The following LAMB3 variants were observed in gnomAD, a reference collection of about 807,000 sequenced individuals.
LAMB3 encodes the protein laminin subunit beta 3, also known as laminin subunit beta-3.
In LAMB3, 104 loss-of-function variants were observed where a neutral mutation model predicts 140.3. That is an observed-to-expected ratio of 0.74 (90% CI 0.63 to 0.87). LAMB3 has a LOEUF of 0.87. Among genes scored for constraint, LAMB3 ranks in the 40% least tolerant of loss-of-function variants. The probability of loss-of-function intolerance (pLI) is 0.00; values close to 1 mark genes in which losing one functional copy is unlikely to be tolerated. For missense variants in LAMB3, 1,531 were observed against 1,575.2 expected, an observed-to-expected ratio of 0.97 and a Z score of 0.47; for synonymous variants, 592 against 602.9, an observed-to-expected ratio of 0.98 and a Z score of 0.26.
At chr1:209,640,964 T>TC (rs1427773053) in intron 3 of LAMB3, among the ~76,000 whole-genome samples, 1 of 151,666 alleles carries the variant, frequency 6.6e-6, no homozygotes, top group East Asian at 1.9e-4. Context: ...GCCCCTGTAG[T>TC]CCCAGCTACT....
intron 10 of LAMB3, 95 bp downstream of exon 10, chr1:209,629,642 C>T (rs1043839643): frequency 9.9e-6 from 12 of 1,213,580 alleles, no homozygotes; most frequent in Non-Finnish European, 1.3e-5. Flanking sequence ...TCCCTGAGGG[C>T]CTTGGTGTGC....
chr1:209,637,985 G>A lies in LAMB3; in HGVS notation c.299-4C>T. The A allele has an allele frequency of 6.2e-7, 1 of 1,611,528 alleles. No homozygotes were observed. The highest frequency in any genetic ancestry group is 8.5e-7 in the Non-Finnish European group (1 of 1,178,684). On this transcript the variant is annotated splice_polypyrimidine_tract_variant and splice_region_variant and intron_variant, in intron 4 of 22. Transcript: ENST00000356082. ...TGCAGAGAGACAGGGTTCACATCTG[G>A]AAGGACAAAAAATAGAAACTGTCAT...
At position 209,629,885 on chromosome 1, in the gene LAMB3, G is replaced by T. The variant is rs764412477; in HGVS notation, c.984C>A (p.Asp328Glu). 2 of 1,614,188 alleles carry T rather than the reference G, an allele frequency of 1.2e-6. No individual in the cohort carries two copies. Among genetic ancestry groups the T allele is most frequent in the Non-Finnish European group, 1.7e-6 (2 of 1,180,024 alleles). Residue 328 changes from aspartate (D) to glutamate (E), a missense_variant, in exon 10 of 23, where the codon GAC becomes GAA. By Grantham distance (45) the Asp-to-Glu change is conservative. Transcript: ENST00000356082. ...CCTGGCTGGCGGCAAACACAGCGGG[G>T]TCAAAGTGACATGTCTCTGAGTGCC... ...CNGHSETCHFDPAVFAASQGA... is the reference protein window; with the variant it reads ...CNGHSETCHFEPAVFAASQGA...
intron 12 of LAMB3, among the ~76,000 whole-genome samples, 177 bp downstream of exon 12, chr1:209,627,206 G>A (rs544236652): frequency 6.6e-6 from 1 of 152,290 alleles, no homozygotes; most frequent in East Asian, 1.9e-4. Context: ...ATTACTGACG[G>A]CCAAGAGCCA....
Position 209,618,496 on chromosome 1 carries a change from G to A in LAMB3, c.2865C>T (p.Asp955=), listed in dbSNP as rs1196552489. The change falls in exon 19 of 23, where the codon GAC becomes GAT. Residue 955 remains aspartate, a synonymous_variant. Coordinates refer to ENST00000356082, the MANE Select transcript of LAMB3 (RefSeq NM_000228.3). The part of the protein sequence containing the change: ...VDLVLSQTKQ[D]IARARRLQAE... Reference sequence around the variant, plus strand: ...CCTGCAACCGGCGGGCACGCGCAATGTCCTGCTTGGTCTGGGACAGCACCA... The same window carrying A: ...CCTGCAACCGGCGGGCACGCGCAATATCCTGCTTGGTCTGGGACAGCACCA... The A allele has an allele frequency of 4.3e-6, 7 of 1,614,120 alleles. No individual in the cohort carries two copies. The highest frequency in any genetic ancestry group is 5.9e-6 in the Non-Finnish European group (7 of 1,180,048).
intron 8 of LAMB3, among the ~76,000 whole-genome samples, chr1:209,631,984 TG>T (rs1666708219): frequency 6.6e-6 from 1 of 152,318 alleles, no homozygotes; most frequent in East Asian, 1.9e-4. Context: ...CTTCTCTACC[TG>T]TGGTTCTCAA....
In LAMB3 at chr1:209,639,624, TACACACAC is replaced by T. The variant is rs55827014; in HGVS notation, c.184-984_184-977del. The stretch of plus-strand genomic sequence containing the variant: ...GTGCCTATGTGCATACATATACACA[TACACACAC>T]ACACACACACGCACACGCGTGCACA... On this transcript the variant is annotated intron_variant, in intron 3 of 22. Transcript: ENST00000356082. Among the ~76,000 whole-genome samples, 50 of 151,942 alleles carry T rather than the reference TACACACAC, an allele frequency of 3.3e-4. 2 individuals carry two copies. In the East Asian group the frequency reaches 3.7e-3, roughly 11 times the overall value.
chr1:209,623,377 C>T lies in LAMB3; in HGVS notation c.2358+128G>A, dbSNP rs960590423. Reference sequence around the variant, plus strand: ...AGCTCACAGTGAGCAGTACAAGGGTCGGGATGGCTGGGGGAGTGGGGTTCT... The same window carrying T: ...AGCTCACAGTGAGCAGTACAAGGGTTGGGATGGCTGGGGGAGTGGGGTTCT... On this transcript the variant is annotated intron_variant, in intron 16 of 22. Coordinates refer to ENST00000356082, the MANE Select transcript of LAMB3 (RefSeq NM_000228.3). The surrounding 1 kb of genome is among the most constrained non-coding windows in gnomAD (Gnocchi z 4.2). The T allele has an allele frequency of 1.7e-5, 18 of 1,072,206 alleles. No individual in the cohort carries two copies. Among genetic ancestry groups the T allele is most frequent in the African/African-American group, 6.2e-5 (4 of 64,204 alleles). 66.4% of individuals were successfully genotyped at this position (1,072,206 alleles called of 1,614,324 possible).
Position 209,622,441 on chromosome 1 carries a change from A to G in LAMB3, c.2701+95T>C. The G allele has an allele frequency of 9.6e-6, 14 of 1,452,696 alleles. No homozygotes were observed. In the South Asian group the frequency reaches 1.6e-4, roughly 17 times the overall value. 90.0% of individuals were successfully genotyped at this position (1,452,696 alleles called of 1,614,324 possible). A position where few individuals can be genotyped will look rare whatever the true frequency, so the allele number is the denominator to read the frequency against. ...GAGGCCTGGATGTTGCAGGCCTGGGACTAGGGAGGGAGGGCTGGCTGATGC... is the reference window on the plus strand; with the variant it reads ...GAGGCCTGGATGTTGCAGGCCTGGGGCTAGGGAGGGAGGGCTGGCTGATGC... On this transcript the variant is annotated intron_variant, in intron 18 of 22. Coordinates refer to ENST00000356082, the MANE Select transcript of LAMB3 (RefSeq NM_000228.3).
intron 5 of LAMB3, among the ~76,000 whole-genome samples, chr1:209,637,485 C>G (rs906147127): frequency 6.6e-6 from 1 of 151,980 alleles, no homozygotes; most frequent in South Asian, 2.1e-4. Context: ...GAGTAGATTG[C>G]CCACCAAGAG....
rs1208470969 is a variant in LAMB3 at position 209,616,679 on chromosome 1, C to T, written c.3229-55G>A. 3.8e-6 allele frequency: 6 copies of T among 1,578,924 alleles called. No individual in the cohort carries two copies. In the African/African-American group the frequency reaches 5.4e-5, roughly 14 times the overall value. On this transcript the variant is annotated intron_variant, in intron 21 of 22. Coordinates refer to ENST00000356082, the MANE Select transcript of LAMB3 (RefSeq NM_000228.3). ...TTGTCATCATGCAAGGTCCTAAAGA[C>T]CTGTGGCCAAAGCACTTGATATCAC...
At chr1:209,651,185 C>T in intron 1 of LAMB3, 1 of 565,134 alleles carries the variant, frequency 1.8e-6, no homozygotes, top group Non-Finnish European at 3.2e-6. Flanking sequence ...ATGTGACTCA[C>T]AGGGTGCCCT....
intron 5 of LAMB3, 73 bp downstream of exon 5, chr1:209,637,835 G>A (rs1666941546): frequency 1.7e-6 from 2 of 1,175,732 alleles, no homozygotes; most frequent in Non-Finnish European, 2.5e-6. Context: ...AGGACACTGT[G>A]CTCCTCCATG....
chr1:209,625,320 G>A (rs1044163805), intron 14 of LAMB3, among the ~76,000 whole-genome samples: 7 of 152,094 alleles, frequency 4.6e-5, no homozygotes, highest in African/African-American at 1.7e-4. Flanking sequence ...CCTCCGCCAG[G>A]GTGACTAATC....
intron 5 of LAMB3, 90 bp downstream of exon 5, chr1:209,637,818 A>C: frequency 9.6e-7 from 1 of 1,040,380 alleles, no homozygotes; most frequent in Non-Finnish European, 1.5e-6. Flanking sequence ...CCCAACCCAG[A>C]GAGACAAGGA....
rs200672750 is a variant in LAMB3 at position 209,650,092 on chromosome 1, G to A, written c.55C>T (p.Gln19Ter). 2 of 1,613,838 alleles carry A rather than the reference G, an allele frequency of 1.2e-6. No homozygotes were observed. Among genetic ancestry groups the A allele is most frequent in the East Asian group, 2.2e-5 (1 of 44,884 alleles). ...TAGCAGGCCCCACGGGAGCAGGCTT[G>A]TTGGGCATGCAGGAGGCCAGGCAGG... ...FALPGLLHAQ[Q>*]ACSRGACYPP... Residue 19 changes from glutamine (Q) to a stop codon, truncating the protein, a stop_gained, in exon 3 of 23, where the codon CAA (glutamine) becomes TAA (stop). Coordinates refer to ENST00000356082, the MANE Select transcript of LAMB3 (RefSeq NM_000228.3). LOFTEE classifies it high-confidence loss of function.
intron 1 of LAMB3, among the ~76,000 whole-genome samples, chr1:209,651,836 T>C (rs2076568591): frequency 6.6e-6 from 1 of 151,122 alleles, no homozygotes; most frequent in Non-Finnish European, 1.5e-5. Context: ...CCACAAACTC[T>C]TTTGGCTGGG....
chr1:209,629,990 C>A, intron 9 of LAMB3, 65 bp from the exon 10 acceptor site: 2 of 1,469,076 alleles, frequency 1.4e-6, no homozygotes. Context: ...GAGCATGCTC[C>A]ACAAAAGCTC....
At position 209,641,664 on chromosome 1, in the gene LAMB3, GA is replaced by G. The variant is rs2076470174; in HGVS notation, c.184-3017del. Among the ~76,000 whole-genome samples, 3 of 152,236 alleles carry G rather than the reference GA, an allele frequency of 2.0e-5. No homozygotes were observed. The South Asian group carries it at 6.2e-4, about 31-fold the overall frequency. On this transcript the variant is annotated intron_variant, in intron 3 of 22. Transcript: ENST00000356082. ...TTATCACAGGGAAGGCTAAGGCAGAGAGAGCACTTTGGGAAGAAACGGGGCT... is the reference window on the plus strand; with the variant it reads ...TTATCACAGGGAAGGCTAAGGCAGAGGAGCACTTTGGGAAGAAACGGGGCT...
Sources: allele counts gnomAD v4.1 joint callset (sites outside exome capture counted in the v4.1 genomes callset), GRCh38; gene constraint gnomAD v4.1.1; non-coding constraint Gnocchi (gnomAD v3.1); transcripts MANE v1.5; gene names NCBI Gene and HGNC (gene_info 2026-07-23, HGNC 2026-07-21).